Variants in ST3GAL3 observed in about 807,000 individuals in gnomAD.
ST3GAL3 encodes CMP-N-acetylneuraminate-beta-1,4-galactoside alpha-2,3-sialyltransferase.
Under a neutral mutation model 50.1 loss-of-function variants are expected in ST3GAL3, and 21 were observed. The ratio of observed to expected loss-of-function variants is 0.42; its 90% CI spans 0.30 to 0.60. ST3GAL3 has a LOEUF of 0.60. ST3GAL3 is among the 20% of genes least tolerant of loss of function. ST3GAL3 has a pLI of 0.19. For synonymous variants in ST3GAL3, 183 were observed against 190.0 expected, an observed-to-expected ratio of 0.96 and a Z score of 0.30; for missense variants, 353 against 489.4, an observed-to-expected ratio of 0.72 and a Z score of 2.63.
At chr1:43,882,643 T>C (rs1296197932) in intron 5 of ST3GAL3, among the ~76,000 whole-genome samples, 1 of 152,230 alleles carries the variant, frequency 6.6e-6, no homozygotes, top group Admixed American at 6.5e-5. Flanking sequence ...GGCCAGATAG[T>C]AGATGTTTTC....
chr1:43,829,620 C>T (rs1396978328), intron 4 of ST3GAL3, among the ~76,000 whole-genome samples: 1 of 152,114 alleles, frequency 6.6e-6, no homozygotes, highest in Non-Finnish European at 1.5e-5. Context: ...TTTGCAATTC[C>T]CAATATGTGC....
At chr1:43,710,123 C>T (rs1663893194) in intron 1 of ST3GAL3, among the ~76,000 whole-genome samples, 1 of 152,056 alleles carries the variant, frequency 6.6e-6, no homozygotes, top group Non-Finnish European at 1.5e-5. Context: ...CCTCTGTTGC[C>T]CAGGCTGGAG....
intron 4 of ST3GAL3, among the ~76,000 whole-genome samples, chr1:43,835,481 G>A (rs754507109): frequency 5.9e-5 from 9 of 152,136 alleles, no homozygotes; most frequent in Admixed American, 1.3e-4. Flanking sequence ...ATGAGGGGTT[G>A]ATTTGGAGCC....
chr1:43,849,643 A>G (rs1387074158), intron 5 of ST3GAL3, among the ~76,000 whole-genome samples: 1 of 152,214 alleles, frequency 6.6e-6, no homozygotes, highest in Admixed American at 6.5e-5. Context: ...CAGGTGGAGC[A>G]GGAAAGCCTG....
chr1:43,834,736 G>A (rs764369839), intron 4 of ST3GAL3, among the ~76,000 whole-genome samples: 14 of 152,182 alleles, frequency 9.2e-5, no homozygotes, highest in Non-Finnish European at 1.8e-4. Flanking sequence ...AGGCGCTTAT[G>A]GCAGCCACGC....
chr1:43,723,877 G>T (rs1236567691), intron 1 of ST3GAL3, among the ~76,000 whole-genome samples: 2 of 152,194 alleles, frequency 1.3e-5, no homozygotes, highest in Non-Finnish European at 2.9e-5. Flanking sequence ...CTCCCAAAGT[G>T]CTGGGATTAC....
At position 43,889,203 on chromosome 1, in the gene ST3GAL3, TACACACAC is replaced by T. The variant is rs59739550; in HGVS notation, c.303-5157_303-5150del. Among the ~76,000 whole-genome samples the T allele has an allele frequency of 3.4e-4, 51 of 148,158 alleles. No individual in the cohort carries two copies. In the South Asian group the frequency reaches 3.7e-3, roughly 11 times the overall value. On this transcript the variant is annotated intron_variant, in intron 5 of 11. Coordinates refer to ENST00000347631, the MANE Select transcript of ST3GAL3 (RefSeq NM_006279.5). ...TAGTGAATAAAGAAGGGAACAGGAATACACACACACACACACACACACACACACACGTT... is the reference window on the plus strand; with the variant it reads ...TAGTGAATAAAGAAGGGAACAGGAATACACACACACACACACACACACGTT...
intron 2 of ST3GAL3, among the ~76,000 whole-genome samples, chr1:43,784,647 T>A (rs2057051884): frequency 6.6e-6 from 1 of 152,256 alleles, no homozygotes. Context: ...TCTGATCTTT[T>A]CATACAGTCT....
rs780949750 is a variant in ST3GAL3 at position 43,899,469 on chromosome 1, C to T, written c.558-72C>T. 6.3e-7 allele frequency: 1 copy of T among 1,598,336 alleles called. No individual in the cohort carries two copies. Among genetic ancestry groups the T allele is most frequent in the African/African-American group, 1.3e-5 (1 of 74,750 alleles). On this transcript the variant is annotated intron_variant, in intron 8 of 11. Transcript: ENST00000347631. This position sits in a 1 kb window ranked among gnomAD's most constrained non-coding sequence, Gnocchi z 5.4. ...TGACCTGGACTCCCTATTCTCCATG[C>T]CTGGGATAGTCTGGGGTCATGGTGC...
At chr1:43,814,461 T>G (rs920879572) in intron 3 of ST3GAL3, among the ~76,000 whole-genome samples, 2 of 152,212 alleles carry the variant, frequency 1.3e-5, no homozygotes, top group South Asian at 4.1e-4. Context: ...TGGCATGGAT[T>G]TGGGGACCCG....
rs374251823 is a variant in ST3GAL3 at position 43,742,380 on chromosome 1, C to T, written c.118+6000C>T. Among the ~76,000 whole-genome samples the T allele has an allele frequency of 3.4e-4, 52 of 151,612 alleles. 1 individual carries two copies. The highest frequency in any genetic ancestry group is 5.9e-4 in the Non-Finnish European group (40 of 67,894). ...AAGTTTGGGTCTTATCAAGAGAGGT[C>T]AAAAATGCCATGGGCTTTCCTCAGA... On this transcript the variant is annotated intron_variant, in intron 2 of 11. Coordinates refer to ENST00000347631, the MANE Select transcript of ST3GAL3 (RefSeq NM_006279.5).
Position 43,899,791 on chromosome 1 carries a change from C to G in ST3GAL3, c.744+64C>G. On this transcript the variant is annotated intron_variant, in intron 9 of 11. Transcript: ENST00000347631. This position sits in a 1 kb window ranked among gnomAD's most constrained non-coding sequence, Gnocchi z 5.4. ...TGGGCTTCCGCAACTCCTAAGCAAT[C>G]CCGCCCCTTGAATGCAGCAAAGAAC... The G allele has an allele frequency of 6.8e-7, 1 of 1,467,318 alleles. No homozygotes were observed. The highest frequency in any genetic ancestry group is 9.5e-7 in the Non-Finnish European group (1 of 1,050,000). 90.9% of individuals were successfully genotyped at this position (1,467,318 alleles called of 1,614,324 possible).
intron 5 of ST3GAL3, among the ~76,000 whole-genome samples, chr1:43,877,676 G>C (rs1453737104): frequency 2.0e-5 from 3 of 152,164 alleles, no homozygotes; most frequent in Non-Finnish European, 4.4e-5. Context: ...TTAGAAATAT[G>C]TGTCTGGATA....
intron 1 of ST3GAL3, among the ~76,000 whole-genome samples, chr1:43,715,574 TA>T (rs112767823): frequency 0.24 from 33,408 of 138,268 alleles, 4,274 homozygotes; most frequent in Middle Eastern, 0.31. Context: ...AGACTCTGTC[TA>T]AAAAAAAAAA....
chr1:43,757,332 T>C (rs982032478), intron 2 of ST3GAL3, among the ~76,000 whole-genome samples: 1 of 152,138 alleles, frequency 6.6e-6, no homozygotes, highest in Admixed American at 6.5e-5. Flanking sequence ...TATAGAAATA[T>C]AGAGATTCAA....
chr1:43,738,698 A>T (rs576703336), intron 2 of ST3GAL3: 3 of 152,012 alleles, frequency 2.0e-5, no homozygotes, highest in African/African-American at 7.3e-5. Flanking sequence ...GGGTTTAGTC[A>T]TGTTGCCCAG....
intron 9 of ST3GAL3, chr1:43,911,870 C>T (rs978582106): frequency 6.6e-6 from 1 of 151,732 alleles, no homozygotes; most frequent in Admixed American, 6.6e-5. Context: ...TGTATTTTTT[C>T]GTAGAGACGG....
At chr1:43,843,814 C>A (rs543877340) in intron 5 of ST3GAL3, among the ~76,000 whole-genome samples, 1 of 152,200 alleles carries the variant, frequency 6.6e-6, no homozygotes. Flanking sequence ...TCAGCAGACA[C>A]TAATGGGTGT....
intron 9 of ST3GAL3, among the ~76,000 whole-genome samples, chr1:43,917,611 T>TATATTATATATA (rs1557538996): frequency 1.4e-5 from 1 of 70,256 alleles, no homozygotes; most frequent in Non-Finnish European, 2.5e-5. Context: ...TATTATATAT[T>TATATTATATATA]ATATATTATA....
Sources: allele counts gnomAD v4.1 joint callset (sites outside exome capture counted in the v4.1 genomes callset), GRCh38; gene constraint gnomAD v4.1.1; non-coding constraint Gnocchi (gnomAD v3.1); transcripts MANE v1.5; gene names NCBI Gene and HGNC (gene_info 2026-07-23, HGNC 2026-07-21).